The following SSBP2 variants were observed in gnomAD, a reference collection of about 807,000 sequenced individuals.
The protein encoded by SSBP2 is single stranded DNA binding protein 2, also known as single-stranded DNA-binding protein 2.
In SSBP2, 17 loss-of-function variants were observed where a neutral mutation model predicts 61.8. The ratio of observed to expected loss-of-function variants is 0.28; its 90% CI spans 0.19 to 0.41. The LOEUF (loss-of-function observed/expected upper bound fraction) is 0.41, where lower values mean the gene tolerates loss of function less well. SSBP2 is among the 10% of genes least tolerant of loss of function. SSBP2 has a pLI of 1.00. For synonymous variants in SSBP2, 139 were observed against 141.3 expected, an observed-to-expected ratio of 0.98 and a Z score of 0.12; for missense variants, 310 against 458.7, an observed-to-expected ratio of 0.68 and a Z score of 2.96.
At chr5:81,685,944 T>C (rs1277639052) in intron 1 of SSBP2, among the ~76,000 whole-genome samples, 2 of 152,246 alleles carry the variant, frequency 1.3e-5, no homozygotes, top group Non-Finnish European at 2.9e-5. Flanking sequence ...TTAACTGGAA[T>C]CTTCCTCAGT....
intron 5 of SSBP2, among the ~76,000 whole-genome samples, chr5:81,508,545 C>G (rs1768354809): frequency 1.3e-5 from 2 of 152,098 alleles, no homozygotes; most frequent in South Asian, 4.1e-4. Context: ...TGAACAATGT[C>G]ACAAATAGAA....
chr5:81,594,068 C>T (rs1581120824), intron 4 of SSBP2, among the ~76,000 whole-genome samples: 2 of 127,188 alleles, frequency 1.6e-5, no homozygotes, highest in African/African-American at 5.6e-5. Context: ...AGAGTCAACA[C>T]CCATCAGTGT....
intron 4 of SSBP2, among the ~76,000 whole-genome samples, chr5:81,569,565 T>C (rs531193647): frequency 2.4e-4 from 36 of 152,230 alleles, no homozygotes; most frequent in Non-Finnish European, 4.4e-4. Context: ...CATGCTCTCC[T>C]ATGCTGAGCT....
At chr5:81,506,678 T>A (rs1768205569) in intron 5 of SSBP2, among the ~76,000 whole-genome samples, 1 of 152,136 alleles carries the variant, frequency 6.6e-6, no homozygotes, top group South Asian at 2.1e-4. Context: ...TGTAGATTAT[T>A]TAACTATATG....
chr5:81,712,187 AC>A (rs1754839757), intron 1 of SSBP2, among the ~76,000 whole-genome samples: 1 of 150,592 alleles, frequency 6.6e-6, no homozygotes, highest in Non-Finnish European at 1.5e-5. Context: ...TATTCATAAG[AC>A]CTTCTAATAA....
intron 5 of SSBP2, among the ~76,000 whole-genome samples, chr5:81,489,636 T>C (rs1766703544): frequency 6.6e-6 from 1 of 152,200 alleles, no homozygotes; most frequent in Non-Finnish European, 1.5e-5. Flanking sequence ...CAATTTAATC[T>C]TAAAAAGGAC....
chr5:81,557,564 G>A (rs1241791740), intron 4 of SSBP2, among the ~76,000 whole-genome samples: 1 of 151,950 alleles, frequency 6.6e-6, no homozygotes, highest in Non-Finnish European at 1.5e-5. Flanking sequence ...CCTTCACTCT[G>A]TAATTCATTT....
intron 4 of SSBP2, among the ~76,000 whole-genome samples, chr5:81,592,120 C>A (rs916223695): frequency 2.0e-5 from 3 of 152,182 alleles, no homozygotes; most frequent in African/African-American, 7.2e-5. Flanking sequence ...CCTGGAAAAT[C>A]GGGTCACTCC....
chr5:81,513,673 T>G lies in SSBP2; in HGVS notation c.327A>C (p.Pro109=). Residue 109 remains proline (P), a synonymous_variant, in exon 5 of 17, where the codon CCA becomes CCC. Coordinates refer to ENST00000320672, the MANE Select transcript of SSBP2 (RefSeq NM_012446.5). ...CAGGACCTACTGGCATGCCATCTCC[T>G]GGGGGAATGTTTCCTAGCACTGGAC... 1 of 1,613,170 alleles carries G rather than the reference T, an allele frequency of 6.2e-7. No homozygotes were observed. The highest frequency in any genetic ancestry group is 1.3e-5 in the African/African-American group (1 of 74,990).
intron 1 of SSBP2, among the ~76,000 whole-genome samples, chr5:81,705,611 T>C (rs143774085): frequency 5.3e-4 from 80 of 152,318 alleles, no homozygotes; most frequent in African/African-American, 1.8e-3. Context: ...AAAAAACTAA[T>C]TATTTTAAGC....
intron 14 of SSBP2, among the ~76,000 whole-genome samples, chr5:81,438,361 A>G (rs1157270587): frequency 6.6e-6 from 1 of 152,036 alleles, no homozygotes. Context: ...AAAAAAAAAA[A>G]AAAAGAAATA....
chr5:81,571,033 T>G (rs1404818094), intron 4 of SSBP2, among the ~76,000 whole-genome samples: 3 of 152,218 alleles, frequency 2.0e-5, no homozygotes, highest in Non-Finnish European at 4.4e-5. Flanking sequence ...ATGACATATT[T>G]CTAGACAGTA....
At chr5:81,721,049 G>T (rs1238469341) in intron 1 of SSBP2, among the ~76,000 whole-genome samples, 1 of 151,938 alleles carries the variant, frequency 6.6e-6, no homozygotes, top group African/African-American at 2.4e-5. Context: ...AAAACTAAAT[G>T]GAAATAAAGC....
chr5:81,573,638 G>A (rs1017987353), intron 4 of SSBP2, among the ~76,000 whole-genome samples: 1 of 152,174 alleles, frequency 6.6e-6, no homozygotes, highest in African/African-American at 2.4e-5. Context: ...CTGCCTGCCA[G>A]GGCAAATACA....
intron 4 of SSBP2, among the ~76,000 whole-genome samples, chr5:81,583,257 T>C (rs954306786): frequency 6.6e-6 from 1 of 151,988 alleles, no homozygotes; most frequent in Non-Finnish European, 1.5e-5. Context: ...TAAACAAGTA[T>C]AGGAACTATT....
At chr5:81,433,302 C>T (rs1762455020) in intron 15 of SSBP2, among the ~76,000 whole-genome samples, 1 of 152,026 alleles carries the variant, frequency 6.6e-6, no homozygotes, top group Non-Finnish European at 1.5e-5. Context: ...TGATCTATGA[C>T]CTTACCCCCA....
intron 1 of SSBP2, among the ~76,000 whole-genome samples, chr5:81,664,566 A>C (rs1314598013): frequency 6.6e-6 from 1 of 152,138 alleles, no homozygotes; most frequent in East Asian, 1.9e-4. Context: ...CAAGGCATTC[A>C]AGGAAAAAAG....
At chr5:81,542,871 T>C (rs996603500) in intron 4 of SSBP2, among the ~76,000 whole-genome samples, 1 of 140,812 alleles carries the variant, frequency 7.1e-6, no homozygotes. Context: ...TCTTCTTTTT[T>C]TGAGACAGAG....
chr5:81,508,606 T>C (rs1768360105), intron 5 of SSBP2, among the ~76,000 whole-genome samples: 1 of 152,318 alleles, frequency 6.6e-6, no homozygotes, highest in Admixed American at 6.5e-5. Context: ...TACCAAGTTA[T>C]ATCATAATTA....
Sources: gnomAD v4.1 joint callset for allele counts (sites outside exome capture counted in the v4.1 genomes callset) on GRCh38, gnomAD v4.1.1 for gene constraint, MANE v1.5 for transcripts, NCBI Gene and HGNC (gene_info 2026-07-23, HGNC 2026-07-21) for gene names.